ATR: variants seen among roughly 807,000 people sequenced by gnomAD.
ATR encodes the protein ATR checkpoint kinase.
Under a neutral mutation model 305.3 loss-of-function variants are expected in ATR, and 142 were observed. The observed-to-expected ratio is 0.47, with a 90% CI of 0.41 to 0.53. The LOEUF (loss-of-function observed/expected upper bound fraction) is 0.53. Among genes scored for constraint, ATR ranks in the 20% least tolerant of loss-of-function variants. The pLI is 0.00. For synonymous variants in ATR, 1,050 were observed against 1,068.1 expected (o/e 0.98, Z 0.33); for missense variants, 2,135 against 3,133.1 (o/e 0.68, Z 7.60).
Position 142,451,904 on chromosome 3 carries a change from T to C in ATR, c.7761+1224A>G, listed in dbSNP as rs548211914. On this transcript the variant is annotated intron_variant, in intron 46 of 46. Coordinates refer to ENST00000350721, the MANE Select transcript of ATR (RefSeq NM_001184.4). ...AACAGGTTCAAGAACTGGTCAGATA[T>C]TGGAATCCCTCAGTAAAAGGTATCC... 245 of 1,301,626 alleles carry C rather than the reference T, an allele frequency of 1.9e-4. 1 individual carries two copies. In the South Asian group the frequency reaches 3.0e-3, roughly 16 times the overall value. The allele number at this position is 1,301,626 out of a possible 1,614,324, so 80.6% of individuals were successfully genotyped here. A position where few individuals can be genotyped will look rare whatever the true frequency, so the allele number is the denominator to read the frequency against.
intron 19 of ATR, among the ~76,000 whole-genome samples, chr3:142,538,120 AG>A (rs2033922592): frequency 6.6e-6 from 1 of 152,194 alleles, no homozygotes; most frequent in African/African-American, 2.4e-5. Context: ...TGAGGTAATA[AG>A]GGTTTCAACT....
Position 142,457,467 on chromosome 3 carries a change from T to C in ATR, c.7655+137A>G, listed in dbSNP as rs952192563. The stretch of plus-strand genomic sequence containing the variant: ...GGGTGAATTTATGGTATATAAATTA[T>C]ATCTGCATAAAGCTATTATTTAAAA... On this transcript the variant is annotated intron_variant, in intron 45 of 46. Transcript: ENST00000350721. The C allele has an allele frequency of 1.3e-5, 13 of 1,009,740 alleles. No individual in the cohort carries two copies. The African/African-American group carries it at 2.1e-4, about 16-fold the overall frequency. The allele number at this position is 1,009,740 out of a possible 1,614,324, so 62.5% of individuals were successfully genotyped here.
At chr3:142,522,570 G>A (rs560732677) in intron 23 of ATR, among the ~76,000 whole-genome samples, 158 bp downstream of exon 23, 8 of 152,224 alleles carry the variant, frequency 5.3e-5, no homozygotes, top group African/African-American at 1.7e-4. Context: ...AATTGGTTAA[G>A]AGGTATGCTT....
At chr3:142,548,886 G>C (rs1042861652) in intron 15 of ATR, among the ~76,000 whole-genome samples, 1 of 152,136 alleles carries the variant, frequency 6.6e-6, no homozygotes, top group Non-Finnish European at 1.5e-5. Context: ...CTCGTGGAAA[G>C]AGATGTGCTG....
chr3:142,503,364 G>A lies in ATR; in HGVS notation c.5286C>T (p.Asn1762=). The part of the protein sequence containing the change: ...VITQVNGVHA[N]RSEWTDELNT... The stretch of plus-strand genomic sequence containing the variant: ...AAAATCATTTTATAAAATATTACCT[G>A]TTAGCATGCACTCCATTCACCTGAG... Residue 1762 remains asparagine, a splice_region_variant and synonymous_variant, in exon 30 of 47, where the codon AAC becomes AAT. Coordinates refer to ENST00000350721, the MANE Select transcript of ATR (RefSeq NM_001184.4). The A allele has an allele frequency of 1.3e-6, 2 of 1,596,646 alleles. No homozygotes were observed. The highest frequency in any genetic ancestry group is 1.7e-6 in the Non-Finnish European group (2 of 1,164,748).
At chr3:142,544,828 T>G (rs529626435) in intron 16 of ATR, among the ~76,000 whole-genome samples, 3 of 152,122 alleles carry the variant, frequency 2.0e-5, no homozygotes, top group Non-Finnish European at 4.4e-5. Context: ...AGATTAGATG[T>G]CAGGATAAAT....
chr3:142,469,260 A>G, intron 38 of ATR, 77 bp downstream of exon 38: 1 of 1,210,432 alleles, frequency 8.3e-7, no homozygotes, highest in Admixed American at 2.0e-5. Flanking sequence ...TTGTATCTAC[A>G]TATTAGTATT....
Position 142,470,071 on chromosome 3 carries a change from C to G in ATR, c.6319+15G>C, listed in dbSNP as rs773935671. ...AATTCCTAGTCCTTTAAAACTTTTA[C>G]GTGAAGAGTTATACCTTTTTCCCAT... On this transcript the variant is annotated intron_variant, in intron 37 of 46. Transcript: ENST00000350721. The G allele has an allele frequency of 2.7e-5, 42 of 1,574,900 alleles. No homozygotes were observed. Among genetic ancestry groups the G allele is most frequent in the Non-Finnish European group, 3.5e-5 (40 of 1,146,672 alleles).
intron 24 of ATR, 77 bp from the exon 25 acceptor site, chr3:142,515,592 C>T: frequency 1.4e-6 from 2 of 1,420,366 alleles, no homozygotes; most frequent in East Asian, 2.5e-5. Flanking sequence ...GCAACTCCTT[C>T]AGTTGACTAC....
At chr3:142,486,715 T>C (rs1367988328) in intron 35 of ATR, among the ~76,000 whole-genome samples, 8 of 152,080 alleles carry the variant, frequency 5.3e-5, no homozygotes, top group African/African-American at 1.2e-4. Context: ...ATGAATCTTA[T>C]GTATACAACT....
chr3:142,472,843 T>C (rs1387195401), intron 36 of ATR, among the ~76,000 whole-genome samples: 2 of 152,138 alleles, frequency 1.3e-5, no homozygotes, highest in Non-Finnish European at 2.9e-5. Context: ...TTTCACCATG[T>C]TGCCCAGGCT....
In ATR at chr3:142,488,872, T is replaced by C. The variant is rs140049315; in HGVS notation, c.6079-3590A>G. 4.5e-3 allele frequency among the ~76,000 whole-genome samples: 688 copies of C among 152,360 alleles called. 26 individuals carry two copies. Among genetic ancestry groups the C allele is most frequent in the Admixed American group, 0.039 (598 of 15,306 alleles). ...AGGTCAGTTTGTAGAGAAATAATTA[T>C]ATTATTGAGTCTTCCCATTCATACA... On this transcript the variant is annotated intron_variant, in intron 35 of 46. Transcript: ENST00000350721.
At chr3:142,482,094 G>C (rs1361473284) in intron 36 of ATR, among the ~76,000 whole-genome samples, 1 of 152,064 alleles carries the variant, frequency 6.6e-6, no homozygotes, top group Non-Finnish European at 1.5e-5. Flanking sequence ...CCAAAATTCT[G>C]AGGTTACAGA....
intron 16 of ATR, 141 bp downstream of exon 16, chr3:142,547,584 C>A: frequency 1.0e-6 from 1 of 964,336 alleles, no homozygotes. Flanking sequence ...TCAGCCTTTT[C>A]AAAATAAAAA....
chr3:142,482,053 T>C (rs1207151802), intron 36 of ATR, among the ~76,000 whole-genome samples: 1 of 152,162 alleles, frequency 6.6e-6, no homozygotes, highest in African/African-American at 2.4e-5. Flanking sequence ...TTTGAACTCA[T>C]GGGCTCAAGC....
At chr3:142,565,113 T>G (rs1201987845) in intron 3 of ATR, among the ~76,000 whole-genome samples, 1 of 152,124 alleles carries the variant, frequency 6.6e-6, no homozygotes. Context: ...CATAACCCAC[T>G]AGTGGGTTAT....
intron 41 of ATR, among the ~76,000 whole-genome samples, chr3:142,463,314 CAG>C (rs1446950180): frequency 6.6e-6 from 1 of 152,176 alleles, no homozygotes; most frequent in Non-Finnish European, 1.5e-5. Flanking sequence ...ATCTGATACT[CAG>C]AAAAACTCAG....
chr3:142,498,905 G>A (rs896408680), intron 31 of ATR, 131 bp from the exon 32 acceptor site: 1 of 868,706 alleles, frequency 1.2e-6, no homozygotes, highest in Non-Finnish European at 1.8e-6. Flanking sequence ...TTTTGAGACA[G>A]AGTCTCACTC....
Position 142,465,089 on chromosome 3 carries a change from C to A in ATR, c.7041+8G>T. ...AATAAATAAAATAAAAGCAAACTAT[C>A]TCCCAACCTTATTAATCAAGGAATT... On this transcript the variant is annotated splice_region_variant and intron_variant, in intron 41 of 46. Coordinates refer to ENST00000350721, the MANE Select transcript of ATR (RefSeq NM_001184.4). The A allele has an allele frequency of 6.7e-7, 1 of 1,493,588 alleles. No individual in the cohort carries two copies. The highest frequency in any genetic ancestry group is 8.9e-7 in the Non-Finnish European group (1 of 1,117,974). 92.5% of individuals were successfully genotyped at this position (1,493,588 alleles called of 1,614,324 possible).
Sources: gnomAD v4.1 joint callset for allele counts (sites outside exome capture counted in the v4.1 genomes callset) on GRCh38, gnomAD v4.1.1 for gene constraint, MANE v1.5 for transcripts, NCBI Gene and HGNC (gene_info 2026-07-23, HGNC 2026-07-21) for gene names.